ANO1: variants seen among roughly 807,000 people sequenced by gnomAD.
ANO1 encodes anoctamin 1.
In ANO1, 59 loss-of-function variants were observed where a neutral mutation model predicts 124.0. The observed-to-expected ratio is 0.48, with a 90% CI of 0.39 to 0.59. The LOEUF is 0.59. Ranked by LOEUF, ANO1 falls within the 20% of genes least tolerant of loss-of-function variation. The pLI is 0.00. For missense variants in ANO1, 1,059 were observed against 1,328.0 expected, an observed-to-expected ratio of 0.80 and a Z score of 3.15; for synonymous variants, 529 against 532.0, an observed-to-expected ratio of 0.99 and a Z score of 0.08.
At chr11:70,157,820 A>G (rs1294379102) in intron 16 of ANO1, among the ~76,000 whole-genome samples, 1 of 152,066 alleles carries the variant, frequency 6.6e-6, no homozygotes, top group Non-Finnish European at 1.5e-5. Context: ...GGCAAAACCA[A>G]AAATACAAAA....
At chr11:70,176,437 A>C (rs1275704925) in intron 22 of ANO1, among the ~76,000 whole-genome samples, 1 of 152,148 alleles carries the variant, frequency 6.6e-6, no homozygotes, top group East Asian at 1.9e-4. Context: ...ATGAGCCACC[A>C]CACCCGGCCT....
chr11:70,181,599 C>T (rs114340491), intron 23 of ANO1, among the ~76,000 whole-genome samples: 1,689 of 152,290 alleles, frequency 0.011, 34 homozygotes, highest in African/African-American at 0.039. Flanking sequence ...CTGCGGAGCA[C>T]AGTGGGCATC....
intron 22 of ANO1, among the ~76,000 whole-genome samples, chr11:70,174,029 G>A (rs1214869685): frequency 1.5e-4 from 23 of 149,108 alleles, no homozygotes; most frequent in African/African-American, 3.5e-4. Flanking sequence ...TCCGCCTCCC[G>A]GGTTCACGCC....
chr11:70,174,920 A>AAAACG (rs1555053277), intron 22 of ANO1, among the ~76,000 whole-genome samples: 1 of 149,818 alleles, frequency 6.7e-6, no homozygotes, highest in Non-Finnish European at 1.5e-5. Flanking sequence ...AAAGAAAAGA[A>AAAACG]AAAAGAAAAG....
chr11:69,981,068 A>G (rs1855956200), upstream of ANO1, among the ~76,000 whole-genome samples: 1 of 152,222 alleles, frequency 6.6e-6, no homozygotes, highest in Admixed American at 6.5e-5. Flanking sequence ...ATAAAAAATC[A>G]AAAATAAATA....
At chr11:69,979,029 C>T in the ANO1 span, among the ~76,000 whole-genome samples, 2,886 of 152,212 alleles carry the variant, frequency 0.019, 189 homozygotes, top group East Asian at 0.23. Flanking sequence ...TCCAAAAACT[C>T]GAGCGATGCG....
upstream of ANO1, among the ~76,000 whole-genome samples, chr11:70,076,766 G>A (rs2044063465): frequency 6.6e-6 from 1 of 152,216 alleles, no homozygotes; most frequent in Admixed American, 6.5e-5. Context: ...CCACCAGCCT[G>A]AGAACCAAAT....
At chr11:70,010,745 C>T (rs1856586498) in intron 1 of ANO1, among the ~76,000 whole-genome samples, 1 of 152,158 alleles carries the variant, frequency 6.6e-6, no homozygotes. Flanking sequence ...GGTCCTGGTC[C>T]CTGCTATTCC....
Position 69,991,531 on chromosome 11 carries a change from T to C in ANO1, c.58+5365T>C, listed in dbSNP as rs1856154875. Among the ~76,000 whole-genome samples the C allele has an allele frequency of 2.6e-5, 4 of 152,306 alleles. No individual in the cohort carries two copies. In the South Asian group the frequency reaches 8.3e-4, roughly 32 times the overall value. On this transcript the variant is annotated intron_variant, in intron 1 of 27. Coordinates refer to the ANO1 transcript ENST00000531349. ...CAGGGGACCACCATGCCACCTGCAG[T>C]GATGGGCAAGTACCAGTTGTGAACA...
intron 2 of ANO1, among the ~76,000 whole-genome samples, chr11:70,088,909 AG>A (rs1251304569): frequency 5.3e-5 from 8 of 152,306 alleles, no homozygotes; most frequent in African/African-American, 1.9e-4. Flanking sequence ...TCCCTAGCAA[AG>A]CCTACGAATC....
chr11:70,110,394 G>T (rs941732703), intron 6 of ANO1, among the ~76,000 whole-genome samples: 1 of 152,002 alleles, frequency 6.6e-6, no homozygotes, highest in African/African-American at 2.4e-5. Flanking sequence ...CACTGTGTTA[G>T]CCAGGATAGT....
rs971261833 is a variant in ANO1 at position 70,189,372 on chromosome 11, A to T, written c.*1368A>T. ...ATGCTTCTCTTTTCTCTTGTACAGT[A>T]AGTAGTTTGAAGTGGGTTTTGTATA... On this transcript the variant is annotated 3_prime_UTR_variant, in exon 26 of 26. Transcript: ENST00000355303. 6.6e-6 allele frequency: 1 copy of T among 152,634 alleles called. No individual in the cohort carries two copies. Among genetic ancestry groups the T allele is most frequent in the Non-Finnish European group, 1.5e-5 (1 of 68,040 alleles). 9.5% of individuals were successfully genotyped at this position (152,634 alleles called of 1,614,324 possible).
the ANO1 span, among the ~76,000 whole-genome samples, chr11:69,967,543 A>G: frequency 1.3e-5 from 2 of 152,238 alleles, no homozygotes; most frequent in Non-Finnish European, 2.9e-5. Flanking sequence ...TAGTTTACCC[A>G]TCAGTAAGCG....
intron 8 of ANO1, among the ~76,000 whole-genome samples, chr11:70,123,167 C>T (rs1166469128): frequency 1.3e-5 from 2 of 152,154 alleles, no homozygotes; most frequent in Admixed American, 6.5e-5. Context: ...GGTGGGGGAA[C>T]CTTCCCAGGG....
chr11:70,048,471 T>TG (rs1164481844), intron 1 of ANO1, among the ~76,000 whole-genome samples: 28 of 152,142 alleles, frequency 1.8e-4, no homozygotes, highest in Non-Finnish European at 2.4e-4. Context: ...GATTAGGCAA[T>TG]GGGGGGGTGG....
chr11:70,085,543 G>A, intron 1 of ANO1: 1 of 1,536,086 alleles, frequency 6.5e-7, no homozygotes, highest in Non-Finnish European at 8.7e-7. Flanking sequence ...CTCCCAGGTG[G>A]TGAGCAATGC....
At chr11:70,056,351 T>C (rs1301830592) in intron 1 of ANO1, 1 of 152,148 alleles carries the variant, frequency 6.6e-6, no homozygotes, top group Non-Finnish European at 1.5e-5. Context: ...TTGTCTTTGG[T>C]TTCTATTGCT....
chr11:70,117,001 T>C (rs1156838308), intron 8 of ANO1, among the ~76,000 whole-genome samples: 3 of 152,078 alleles, frequency 2.0e-5, no homozygotes, highest in Non-Finnish European at 4.4e-5. Context: ...TTACCTGACC[T>C]GGAACCCTTT....
chr11:70,168,300 C>T (rs2048331286), intron 21 of ANO1, among the ~76,000 whole-genome samples: 1 of 152,188 alleles, frequency 6.6e-6, no homozygotes, highest in Admixed American at 6.5e-5. Context: ...TCCCAAATAC[C>T]TGCATGGCTC....
Sources: allele counts gnomAD v4.1 joint callset (sites outside exome capture counted in the v4.1 genomes callset), GRCh38; gene constraint gnomAD v4.1.1; transcripts MANE v1.5; gene names NCBI Gene and HGNC (gene_info 2026-07-23, HGNC 2026-07-21).